Variants in ASB11 observed in about 807,000 individuals in gnomAD.
The protein encoded by ASB11 is ankyrin repeat and SOCS box containing 11, also known as ankyrin repeat and SOCS box protein 11.
ASB11 carries 17 observed loss-of-function variants against 20.1 expected under a neutral mutation model. The observed-to-expected ratio is 0.85, with a 90% CI of 0.58 to 1.27. The LOEUF (loss-of-function observed/expected upper bound fraction) is 1.27. Ranked by LOEUF, ASB11 falls within the 50% of genes most tolerant of loss-of-function variation. The probability of loss-of-function intolerance (pLI) is 0.00; values close to 1 mark genes in which losing one functional copy is unlikely to be tolerated. For synonymous variants in ASB11, 107 were observed against 105.6 expected, an observed-to-expected ratio of 1.01 and a Z score of -0.08; for missense variants, 259 against 256.9, an observed-to-expected ratio of 1.01 and a Z score of -0.06.
chrX:15,287,977 C>T lies in ASB11; in HGVS notation c.751G>A (p.Gly251Arg). The T allele has an allele frequency of 8.3e-7, 1 of 1,211,995 alleles. No individual in the cohort carries two copies. Among genetic ancestry groups the T allele is most frequent in the Non-Finnish European group, 1.1e-6 (1 of 895,584 alleles). The stretch of plus-strand genomic sequence containing the variant: ...GCATTTCTACGCTTCAGGTTAGCTC[C>T]ATAGTCGGTTAGCAGGTGGATGACC... The part of the protein sequence containing the change: ...VEVIHLLTDY[G>R]ANLKRRNAQG... Residue 251 changes from glycine (G) to arginine (R), a missense_variant, in exon 6 of 7, where the codon GGA (glycine) becomes AGA (arginine). Gly to Arg is a moderately radical substitution (Grantham distance 125). Transcript: ENST00000480796.
chrX:15,301,182 C>T (rs748526679), intron 2 of ASB11, among the ~76,000 whole-genome samples: 1 of 110,949 alleles, frequency 9.0e-6, no homozygotes, highest in East Asian at 2.8e-4. Context: ...AGGCTGGTCT[C>T]GAACTCCTGA....
chrX:15,301,259 G>A lies in ASB11; in HGVS notation c.261+1469C>T, dbSNP rs776771097. ...ATTACAGGCGTGAGCCACCACATCC[G>A]GCCAGTCCACCTTTTTAAATAATTG... On this transcript the variant is annotated intron_variant, in intron 2 of 6. Transcript: ENST00000480796. Among the ~76,000 whole-genome samples the A allele has an allele frequency of 3.8e-4, 43 of 111,709 alleles. No homozygotes were observed. The South Asian group carries it at 0.013, about 34-fold the overall frequency.
At chrX:15,289,072 T>C (rs1248276424) in intron 5 of ASB11, among the ~76,000 whole-genome samples, 2 of 111,998 alleles carry the variant, frequency 1.8e-5, no homozygotes, top group Non-Finnish European at 3.8e-5. Flanking sequence ...TAAACCACCC[T>C]CTTGTTAGTT....
At chrX:15,299,699 G>T (rs964292375) in intron 2 of ASB11, among the ~76,000 whole-genome samples, 4 of 111,176 alleles carry the variant, frequency 3.6e-5, no homozygotes, top group Non-Finnish European at 7.5e-5. Flanking sequence ...CTGGCTGAGA[G>T]GAGGGGTACA....
intron 1 of ASB11, among the ~76,000 whole-genome samples, chrX:15,309,739 G>A (rs1780949549): frequency 9.2e-6 from 1 of 109,236 alleles, no homozygotes; most frequent in African/African-American, 3.3e-5. Flanking sequence ...AGACTGAGGC[G>A]GGTGGATCAC....
In ASB11 at chrX:15,308,458, G is replaced by C. The variant is rs1921314165; in HGVS notation, c.182-5651C>G. 2.7e-5 allele frequency among the ~76,000 whole-genome samples: 3 copies of C among 111,643 alleles called. No homozygotes were observed. The South Asian group carries it at 1.1e-3, about 42-fold the overall frequency. Reference sequence around the variant, plus strand: ...TCCTCATATTCATCTGGCATGGGGGGTTCAGCAAGTTGTCTCTCTAAGCAG... The same window carrying C: ...TCCTCATATTCATCTGGCATGGGGGCTTCAGCAAGTTGTCTCTCTAAGCAG... On this transcript the variant is annotated intron_variant, in intron 1 of 6. Coordinates refer to ENST00000480796, the MANE Select transcript of ASB11 (RefSeq NM_080873.3).
chrX:15,289,796 G>A lies in ASB11; in HGVS notation c.521-158C>T, dbSNP rs369084992. Among the ~76,000 whole-genome samples, 32 of 111,643 alleles carry A rather than the reference G, an allele frequency of 2.9e-4. No individual in the cohort carries two copies. The East Asian group carries it at 5.3e-3, about 19-fold the overall frequency. ...CTCAGCTTTTTGGGAGGCTGAGACC[G>A]GCGGATTCCCTGAGGTCAGGAGTTC... On this transcript the variant is annotated intron_variant, in intron 4 of 6. Transcript: ENST00000480796.
rs767623990 is a variant in ASB11 at position 15,289,600 on chromosome X, C to T, written c.559G>A (p.Val187Ile). ...TGAGGCACCTCATGGTCAATGTTAA[C>T]ATTATTTGCCAGCAGGATCTCCATG... is the stretch of plus-strand genomic sequence containing the variant. Reference protein sequence around the residue: ...ECMEILLANNVNIDHEVPQLG... With the variant: ...ECMEILLANNINIDHEVPQLG... Residue 187 changes from valine (V) to isoleucine (I), a missense_variant, in exon 5 of 7, where the codon GTT (valine) becomes ATT (isoleucine). Physicochemically the swap from Val to Ile is conservative, Grantham distance 29. Coordinates refer to ENST00000480796, the MANE Select transcript of ASB11 (RefSeq NM_080873.3). 10 of 1,210,518 alleles carry T rather than the reference C, an allele frequency of 8.3e-6. No individual in the cohort carries two copies. The highest frequency in any genetic ancestry group is 1.0e-5 in the Non-Finnish European group (9 of 894,495).
At position 15,289,638 on chromosome X, in the gene ASB11, C is replaced by T. The variant is rs1927480661; in HGVS notation, c.521G>A (p.Gly174Asp). 8.3e-7 allele frequency: 1 copy of T among 1,203,584 alleles called. No individual in the cohort carries two copies. The highest frequency in any genetic ancestry group is 1.8e-5 in the African/African-American group (1 of 56,842). ...ASPIHEAVKR[G>D]HRECMEILLA... ...CAGGATCTCCATGCACTCTCTGTGA[C>T]CTGGTGGAACACAAGATACCCTCAC... Residue 174 changes from glycine to aspartate, a missense_variant and splice_region_variant, in exon 5 of 7, where the codon GGT becomes GAT. Physicochemically the swap from Gly to Asp is moderately conservative, Grantham distance 94 (BLOSUM62 -1). Transcript: ENST00000480796.
At chrX:15,299,509 T>G (rs1342499583) in intron 2 of ASB11, among the ~76,000 whole-genome samples, 1 of 111,751 alleles carries the variant, frequency 8.9e-6, no homozygotes, top group African/African-American at 3.3e-5. Flanking sequence ...AGCCTCCAGG[T>G]AGCAGGCTTC....
chrX:15,297,110 A>G (rs1452873960), intron 3 of ASB11, among the ~76,000 whole-genome samples: 4 of 112,063 alleles, frequency 3.6e-5, no homozygotes, highest in African/African-American at 1.3e-4. Flanking sequence ...TGGCTAACAC[A>G]GTGAAACTCT....
In ASB11 at chrX:15,302,759, C is replaced by A. The variant is rs1238290425; in HGVS notation, c.230G>T (p.Arg77Leu). The change falls in exon 2 of 7, where the codon CGC becomes CTC. Residue 77 changes from arginine (R) to leucine (L), a missense_variant. By Grantham distance (102) the Arg-to-Leu change is moderately radical (BLOSUM62 -2). Coordinates refer to ENST00000480796, the MANE Select transcript of ASB11 (RefSeq NM_080873.3). ...SPLHEAAAQG[R>L]LLALKTLIAQ... The stretch of plus-strand genomic sequence containing the variant: ...AATTAAAGTTTTAAGGGCCAGTAAG[C>A]GCCCCTGAGCTGCAGCTTCATGAAG... The A allele has an allele frequency of 6.6e-6, 8 of 1,210,123 alleles. No individual in the cohort carries two copies. The Admixed American group carries it at 1.3e-4, about 20-fold the overall frequency.
rs1385703434 is a variant in ASB11 at position 15,314,546 on chromosome X, C to G, written c.181+879G>C. On this transcript the variant is annotated intron_variant, in intron 1 of 6. Coordinates refer to ENST00000480796, the MANE Select transcript of ASB11 (RefSeq NM_080873.3). Reference sequence around the variant, plus strand: ...AGATAAGACTGCTGTTGTCTAGTGTCTTCTGAGTTGTCTAGTGTATTGGAA... The same window carrying G: ...AGATAAGACTGCTGTTGTCTAGTGTGTTCTGAGTTGTCTAGTGTATTGGAA... The G allele has an allele frequency of 1.6e-5, 18 of 1,125,381 alleles. No individual in the cohort carries two copies. The African/African-American group carries it at 3.4e-4, about 21-fold the overall frequency. 92.7% of individuals were successfully genotyped at this position (1,125,381 alleles called of 1,213,427 possible).
rs1927244329 is a variant in ASB11 at position 15,283,387 on chromosome X, G to A, written c.*118C>T. 3 of 984,273 alleles carry A rather than the reference G, an allele frequency of 3.0e-6. No homozygotes were observed. The highest frequency in any genetic ancestry group is 4.7e-5 in the Admixed American group (2 of 42,665). 81.1% of individuals were successfully genotyped at this position (984,273 alleles called of 1,213,427 possible). ...TTCTAGCTCATGGGGGATTTACTTC[G>A]ACTGAGCTCATTTAAAGATACTAGG... On this transcript the variant is annotated 3_prime_UTR_variant, in exon 7 of 7. Transcript: ENST00000480796.
chrX:15,301,898 C>T (rs1215776298), intron 2 of ASB11, among the ~76,000 whole-genome samples: 3 of 112,033 alleles, frequency 2.7e-5, no homozygotes, highest in Admixed American at 9.4e-5. Context: ...GATAGGCAGC[C>T]TCTAAGATAG....
intron 2 of ASB11, among the ~76,000 whole-genome samples, chrX:15,300,933 C>T (rs1569172117): frequency 9.1e-6 from 1 of 109,745 alleles, no homozygotes; most frequent in Admixed American, 9.8e-5. Flanking sequence ...GGGTGCAAGA[C>T]GTTTCATTGT....
intron 6 of ASB11, among the ~76,000 whole-genome samples, chrX:15,285,983 C>T (rs1403664217): frequency 1.8e-5 from 2 of 109,860 alleles, no homozygotes; most frequent in African/African-American, 6.7e-5. Context: ...CCAGCCTGGG[C>T]AACAAGAGCA....
intron 6 of ASB11, among the ~76,000 whole-genome samples, chrX:15,286,696 T>C (rs1330505193): frequency 9.7e-6 from 1 of 103,563 alleles, no homozygotes; most frequent in Non-Finnish European, 1.9e-5. Flanking sequence ...GTGCACACTC[T>C]GGGGTCAGAT....
intron 6 of ASB11, among the ~76,000 whole-genome samples, chrX:15,284,913 A>G (rs1338475318): frequency 1.8e-5 from 2 of 111,954 alleles, no homozygotes; most frequent in Non-Finnish European, 3.8e-5. Flanking sequence ...GCGAATAGCC[A>G]GGTTAACATT....
Sources: allele counts gnomAD v4.1 joint callset (sites outside exome capture counted in the v4.1 genomes callset), GRCh38; gene constraint gnomAD v4.1.1; transcripts MANE v1.5; gene names NCBI Gene and HGNC (gene_info 2026-07-23, HGNC 2026-07-21).